MRPL39: variants seen among roughly 807,000 people sequenced by gnomAD.
The protein encoded by MRPL39 is mitochondrial ribosomal protein L39.
A neutral mutation model predicts 44.5 loss-of-function variants in MRPL39; 35 were observed. The observed-to-expected ratio is 0.79, with a 90% CI of 0.60 to 1.04. MRPL39 has a LOEUF of 1.04. Ranked by LOEUF, MRPL39 falls within the 50% of genes least tolerant of loss-of-function variation. The probability of loss-of-function intolerance (pLI) is 0.00; values close to 1 mark genes in which losing one functional copy is unlikely to be tolerated. For synonymous variants in MRPL39, 139 were observed against 136.1 expected (o/e 1.02, Z -0.15); for missense variants, 433 against 413.5 (o/e 1.05, Z -0.41).
At chr21:25,607,336 A>T in intron 1 of MRPL39, 67 bp downstream of exon 1, 1 of 1,575,458 alleles carries the variant, frequency 6.3e-7, no homozygotes, top group South Asian at 1.1e-5. Context: ...GCCCCGCCTC[A>T]GACCCAATCT....
At chr21:25,595,783 C>T (rs75153519) in intron 6 of MRPL39, among the ~76,000 whole-genome samples, 12,641 of 152,148 alleles carry the variant, frequency 0.083, 853 homozygotes, top group East Asian at 0.37. Flanking sequence ...AATGCAACTA[C>T]AGAAAATTTC....
At chr21:25,588,757 C>T in intron 9 of MRPL39, 78 bp downstream of exon 9, 1 of 1,280,262 alleles carries the variant, frequency 7.8e-7, no homozygotes, top group Non-Finnish European at 1.1e-6. Context: ...TTTCATTTTT[C>T]CCCCCTTTGG....
At chr21:25,607,075 T>C (rs2031700520) in intron 1 of MRPL39, among the ~76,000 whole-genome samples, 1 of 152,256 alleles carries the variant, frequency 6.6e-6, no homozygotes, top group African/African-American at 2.4e-5. Flanking sequence ...TCAGGGAACC[T>C]GCCAAGGCAA....
At position 25,597,295 on chromosome 21, in the gene MRPL39, C is replaced by A. The variant is rs1374751520; in HGVS notation, c.701+7G>T. 6.5e-7 allele frequency: 1 copy of A among 1,537,504 alleles called. No individual in the cohort carries two copies. The highest frequency in any genetic ancestry group is 2.3e-5 in the East Asian group (1 of 44,384). ...TTAGCCTTGATTTAAAGAAAGCCAACACTTACTTGCTGTGTTGAAATATTT... is the reference window on the plus strand; with the variant it reads ...TTAGCCTTGATTTAAAGAAAGCCAAAACTTACTTGCTGTGTTGAAATATTT... On this transcript the variant is annotated splice_region_variant and intron_variant, in intron 6 of 9. Coordinates refer to ENST00000352957, the MANE Select transcript of MRPL39 (RefSeq NM_017446.4).
intron 6 of MRPL39, among the ~76,000 whole-genome samples, chr21:25,596,210 T>C (rs1182613932): frequency 1.3e-5 from 2 of 152,110 alleles, no homozygotes; most frequent in African/African-American, 2.4e-5. Flanking sequence ...GCCATTCTCC[T>C]GCCTCAGCCT....
In MRPL39 at chr21:25,592,874, G is replaced by A; in HGVS notation, c.859C>T (p.Gln287Ter). The A allele has an allele frequency of 1.2e-6, 2 of 1,613,264 alleles. No homozygotes were observed. The highest frequency in any genetic ancestry group is 1.7e-6 in the Non-Finnish European group (2 of 1,179,240). ...QYEVSAVHNL[Q>*]PTQPSLIRRF... The stretch of plus-strand genomic sequence containing the variant: ...CGTATGAGACTTGGCTGGGTGGGTT[G>A]AAGATTGTGAACTGCTGATACTTCA... Residue 287 changes from glutamine to a stop codon, truncating the protein, a stop_gained, in exon 8 of 10, where the codon CAA becomes TAA. Transcript: ENST00000352957. LOFTEE classifies it high-confidence loss of function.
At chr21:25,599,537 G>C (rs1300268263) in intron 5 of MRPL39, among the ~76,000 whole-genome samples, 2 of 152,032 alleles carry the variant, frequency 1.3e-5, no homozygotes, top group African/African-American at 4.8e-5. Flanking sequence ...AGGTCAAGCA[G>C]AACATAAAGT....
intron 2 of MRPL39, 97 bp from the exon 3 acceptor site, chr21:25,604,032 G>A: frequency 9.0e-7 from 1 of 1,114,024 alleles, no homozygotes; most frequent in African/African-American, 1.6e-5. Flanking sequence ...GGAAAGGCAA[G>A]ATTCTGCAGA....
intron 8 of MRPL39, among the ~76,000 whole-genome samples, chr21:25,590,820 A>C (rs1448935409): frequency 1.3e-5 from 2 of 152,186 alleles, no homozygotes; most frequent in Admixed American, 1.3e-4. Context: ...GAGTTAAAAC[A>C]ATTTTGATTA....
intron 8 of MRPL39, among the ~76,000 whole-genome samples, chr21:25,591,313 CA>C (rs2031173486): frequency 6.6e-6 from 1 of 151,022 alleles, no homozygotes; most frequent in East Asian, 2.0e-4. Context: ...CTAGTTTCAT[CA>C]AAATTAAAAA....
intron 7 of MRPL39, among the ~76,000 whole-genome samples, 173 bp downstream of exon 7, chr21:25,593,720 T>G (rs1002463043): frequency 1.3e-5 from 2 of 152,198 alleles, no homozygotes; most frequent in African/African-American, 4.8e-5. Context: ...CTGAAGATAA[T>G]TTAAAGCTTC....
intron 6 of MRPL39, among the ~76,000 whole-genome samples, chr21:25,594,241 T>C (rs2031275413): frequency 9.3e-6 from 1 of 107,758 alleles, no homozygotes; most frequent in Non-Finnish European, 1.8e-5. Context: ...CATTTTTATT[T>C]CTTTGTTCTT....
chr21:25,589,088 C>T (rs758216167), intron 8 of MRPL39, among the ~76,000 whole-genome samples: 5 of 152,150 alleles, frequency 3.3e-5, no homozygotes, highest in Non-Finnish European at 5.9e-5. Context: ...ATCGCATGAA[C>T]CCGGGAGGCA....
At chr21:25,605,272 C>T (rs1388330074) in intron 2 of MRPL39, among the ~76,000 whole-genome samples, 1 of 152,190 alleles carries the variant, frequency 6.6e-6, no homozygotes, top group Non-Finnish European at 1.5e-5. Flanking sequence ...ACTATCAAAA[C>T]ATTTTGATCA....
At chr21:25,592,355 C>G (rs1418685279) in intron 8 of MRPL39, among the ~76,000 whole-genome samples, 1 of 152,124 alleles carries the variant, frequency 6.6e-6, no homozygotes, top group Non-Finnish European at 1.5e-5. Context: ...TACATGGGAT[C>G]TCTCTATGTC....
At chr21:25,606,228 C>T (rs377052401) in intron 2 of MRPL39, among the ~76,000 whole-genome samples, 2 of 152,196 alleles carry the variant, frequency 1.3e-5, no homozygotes, top group South Asian at 4.1e-4. Context: ...TATCCTCCTG[C>T]TTCAGCCTCC....
chr21:25,602,477 T>C (rs995832941), intron 3 of MRPL39, among the ~76,000 whole-genome samples: 8 of 152,242 alleles, frequency 5.3e-5, no homozygotes, highest in South Asian at 4.1e-4. Flanking sequence ...AATACATACA[T>C]ACTCATTGTT....
intron 9 of MRPL39, among the ~76,000 whole-genome samples, chr21:25,588,179 G>A (rs2031061378): frequency 6.6e-6 from 1 of 152,084 alleles, no homozygotes; most frequent in Admixed American, 6.5e-5. Flanking sequence ...GGACGTAGTG[G>A]TGGGCACCCA....
chr21:25,590,022 T>C (rs146811027), intron 8 of MRPL39, among the ~76,000 whole-genome samples: 1 of 152,290 alleles, frequency 6.6e-6, no homozygotes, highest in African/African-American at 2.4e-5. Flanking sequence ...AGGAAGTACA[T>C]AACAGATTGT....
Sources: gnomAD v4.1 joint callset for allele counts (sites outside exome capture counted in the v4.1 genomes callset) on GRCh38, gnomAD v4.1.1 for gene constraint, MANE v1.5 for transcripts, NCBI Gene and HGNC (gene_info 2026-07-23, HGNC 2026-07-21) for gene names.